The following LUZP2 variants were observed in gnomAD, a reference collection of about 807,000 sequenced individuals.
LUZP2 encodes leucine zipper protein 2.
A neutral mutation model predicts 51.6 loss-of-function variants in LUZP2; 52 were observed. The observed-to-expected ratio is 1.01, with a 90% CI of 0.81 to 1.27. The LOEUF is 1.27. LUZP2 is among the 50% of genes most tolerant of loss of function. The pLI is 0.00. For missense variants in LUZP2, 436 were observed against 395.4 expected, an observed-to-expected ratio of 1.10 and a Z score of -0.87; for synonymous variants, 154 against 137.3, an observed-to-expected ratio of 1.12 and a Z score of -0.85.
At chr11:24,538,675 T>A (rs1851259946) in intron 1 of LUZP2, among the ~76,000 whole-genome samples, 1 of 151,676 alleles carries the variant, frequency 6.6e-6, no homozygotes, top group East Asian at 1.9e-4. Flanking sequence ...TGTGTATATA[T>A]ATATATAAAA....
chr11:24,884,589 C>T (rs907442951), intron 5 of LUZP2, among the ~76,000 whole-genome samples: 5 of 151,990 alleles, frequency 3.3e-5, no homozygotes, highest in Non-Finnish European at 5.9e-5. Flanking sequence ...CTCAATGCAC[C>T]TTTTGAGTTT....
chr11:24,957,280 G>A (rs1855238011), intron 7 of LUZP2, among the ~76,000 whole-genome samples: 1 of 152,090 alleles, frequency 6.6e-6, no homozygotes, highest in Non-Finnish European at 1.5e-5. Context: ...ACAAAGTCAT[G>A]TTAGTATTTA....
chr11:24,968,137 G>A (rs1300293046), intron 7 of LUZP2, among the ~76,000 whole-genome samples: 1 of 152,094 alleles, frequency 6.6e-6, no homozygotes, highest in Non-Finnish European at 1.5e-5. Context: ...CTCCAAAGAT[G>A]TGTCCCCACC....
intron 1 of LUZP2, among the ~76,000 whole-genome samples, chr11:24,710,038 T>A (rs1431377563): frequency 6.6e-6 from 1 of 152,194 alleles, no homozygotes; most frequent in African/African-American, 2.4e-5. Flanking sequence ...GAGATCCTTT[T>A]TATTTGCCCT....
At chr11:24,998,355 C>G (rs1421463051) in intron 9 of LUZP2, among the ~76,000 whole-genome samples, 1 of 152,078 alleles carries the variant, frequency 6.6e-6, no homozygotes, top group East Asian at 1.9e-4. Flanking sequence ...AAGTTGGATT[C>G]TTAGGTATTT....
intron 9 of LUZP2, among the ~76,000 whole-genome samples, chr11:25,023,681 G>T (rs1004435247): frequency 1.1e-4 from 16 of 152,150 alleles, no homozygotes; most frequent in African/African-American, 3.6e-4. Context: ...GCTAGCTTTT[G>T]AATGTGTTTG....
intron 9 of LUZP2, among the ~76,000 whole-genome samples, chr11:25,018,902 C>G (rs534541491): frequency 6.6e-6 from 1 of 152,240 alleles, no homozygotes; most frequent in Non-Finnish European, 1.5e-5. Flanking sequence ...GCCAATAAGT[C>G]CAGCCTTATC....
intron 4 of LUZP2, among the ~76,000 whole-genome samples, chr11:24,739,182 C>G (rs1000287135): frequency 6.6e-6 from 1 of 151,916 alleles, no homozygotes. Context: ...GGGTAAGAGG[C>G]TTTGTTGTGG....
At chr11:24,696,559 C>G (rs994265294) in intron 1 of LUZP2, among the ~76,000 whole-genome samples, 1 of 151,910 alleles carries the variant, frequency 6.6e-6, no homozygotes, top group African/African-American at 2.4e-5. Context: ...CATACTCATC[C>G]ATTTTTTCTA....
chr11:24,617,864 ATAAAT>A (rs1163000474), intron 1 of LUZP2, among the ~76,000 whole-genome samples: 1 of 151,978 alleles, frequency 6.6e-6, no homozygotes, highest in Non-Finnish European at 1.5e-5. Context: ...AAATAAATAA[ATAAAT>A]TAAATAAAAC....
At chr11:24,919,780 A>T (rs1853969129) in intron 7 of LUZP2, among the ~76,000 whole-genome samples, 1 of 150,816 alleles carries the variant, frequency 6.6e-6, no homozygotes, top group Non-Finnish European at 1.5e-5. Context: ...CATGAAAATT[A>T]TTTTAAAATA....
intron 1 of LUZP2, among the ~76,000 whole-genome samples, chr11:24,683,486 T>C (rs1565075204): frequency 6.6e-6 from 1 of 152,222 alleles, no homozygotes; most frequent in Non-Finnish European, 1.5e-5. Flanking sequence ...TACTCACTTT[T>C]AGTGGTAATA....
At chr11:24,592,434 T>C (rs1481066485) in intron 1 of LUZP2, among the ~76,000 whole-genome samples, 1 of 152,188 alleles carries the variant, frequency 6.6e-6, no homozygotes, top group Non-Finnish European at 1.5e-5. Flanking sequence ...AAAAATGATA[T>C]GAGCAAAAGC....
At chr11:24,853,615 A>G (rs1259034156) in intron 5 of LUZP2, among the ~76,000 whole-genome samples, 2 of 151,910 alleles carry the variant, frequency 1.3e-5, no homozygotes, top group Non-Finnish European at 2.9e-5. Flanking sequence ...TCTGAAGCCT[A>G]CTTCTTTCAA....
At chr11:25,014,327 T>C (rs1380982810) in intron 9 of LUZP2, among the ~76,000 whole-genome samples, 1 of 152,224 alleles carries the variant, frequency 6.6e-6, no homozygotes, top group Non-Finnish European at 1.5e-5. Context: ...ATCACCACAC[T>C]GTCTTCCACA....
chr11:24,815,370 G>A (rs1471005856), intron 5 of LUZP2, among the ~76,000 whole-genome samples: 3 of 152,130 alleles, frequency 2.0e-5, no homozygotes, highest in African/African-American at 7.2e-5. Flanking sequence ...AAATTACGAA[G>A]TATATCTCAA....
At chr11:24,742,416 G>A (rs1859216605) in intron 4 of LUZP2, among the ~76,000 whole-genome samples, 1 of 151,772 alleles carries the variant, frequency 6.6e-6, no homozygotes, top group South Asian at 2.1e-4. Flanking sequence ...AGGTGGTATT[G>A]CATTTTGATT....
At chr11:24,998,132 G>T (rs11028328) in intron 9 of LUZP2, among the ~76,000 whole-genome samples, 5 of 151,914 alleles carry the variant, frequency 3.3e-5, no homozygotes, top group African/African-American at 1.2e-4. Context: ...TGAACTTTAA[G>T]GTAGTTTTTT....
At chr11:25,047,611 A>T (rs1047592842) in intron 9 of LUZP2, among the ~76,000 whole-genome samples, 3 of 152,128 alleles carry the variant, frequency 2.0e-5, no homozygotes, top group African/African-American at 7.2e-5. Flanking sequence ...CCTTGTTCAG[A>T]ACATACAATT....
Sources: allele counts gnomAD v4.1 joint callset (sites outside exome capture counted in the v4.1 genomes callset), GRCh38; gene constraint gnomAD v4.1.1; transcripts MANE v1.5; gene names NCBI Gene and HGNC (gene_info 2026-07-23, HGNC 2026-07-21).